The following SARDH variants were observed in gnomAD, a reference collection of about 807,000 sequenced individuals.
SARDH encodes the protein sarcosine dehydrogenase, mitochondrial.
Under a neutral mutation model 109.1 loss-of-function variants are expected in SARDH, and 95 were observed. The ratio of observed to expected loss-of-function variants is 0.87; its 90% CI spans 0.74 to 1.03. SARDH has a LOEUF of 1.03. SARDH is among the 50% of genes least tolerant of loss of function. The probability of loss-of-function intolerance (pLI) is 0.00; values close to 1 mark genes in which losing one functional copy is unlikely to be tolerated. For synonymous variants in SARDH, 572 were observed against 534.8 expected, an observed-to-expected ratio of 1.07 and a Z score of -0.96; for missense variants, 1,267 against 1,287.8, an observed-to-expected ratio of 0.98 and a Z score of 0.25.
chr9:133,716,155 G>A (rs902475144), intron 8 of SARDH, among the ~76,000 whole-genome samples: 2 of 152,200 alleles, frequency 1.3e-5, no homozygotes, highest in Admixed American at 6.5e-5. Flanking sequence ...CTGGCCGCCC[G>A]TCTGTGTCCT....
In SARDH at chr9:133,709,196, C is replaced by T. The variant is rs1014083349; in HGVS notation, c.1329-768G>A. On this transcript the variant is annotated intron_variant, in intron 10 of 20. Coordinates refer to ENST00000439388, the MANE Select transcript of SARDH (RefSeq NM_001134707.2). The surrounding 1 kb of genome is among the most constrained non-coding windows in gnomAD (Gnocchi z 4.2). ...CGGCAGCCCCCGGTGGTGTCCAGCA[C>T]GAACCCGGCGGGCCCCATGCTATTT... is the stretch of plus-strand genomic sequence containing the variant. Among the ~76,000 whole-genome samples, 11 of 152,298 alleles carry T rather than the reference C, an allele frequency of 7.2e-5. No individual in the cohort carries two copies. Among genetic ancestry groups the T allele is most frequent in the Middle Eastern group, 3.4e-3 (1 of 294 alleles).
In SARDH at chr9:133,688,167, G is replaced by A. The variant is rs147725972; in HGVS notation, c.2069+2213C>T. Among the ~76,000 whole-genome samples, 4 of 152,038 alleles carry A rather than the reference G, an allele frequency of 2.6e-5. No homozygotes were observed. The South Asian group carries it at 6.3e-4, about 24-fold the overall frequency. On this transcript the variant is annotated intron_variant, in intron 16 of 20. Transcript: ENST00000439388. ...ACCCCTCCCTCTACCCCAGAGATGC[G>A]GAGGTTGGGGTCACCCAGGTGAGAA... is the stretch of plus-strand genomic sequence containing the variant.
In SARDH at chr9:133,702,980, T is replaced by C; in HGVS notation, c.1604A>G (p.Asp535Gly). 3 of 1,613,454 alleles carry C rather than the reference T, an allele frequency of 1.9e-6. No homozygotes were observed. Among genetic ancestry groups the C allele is most frequent in the Non-Finnish European group, 2.5e-6 (3 of 1,179,978 alleles). The change falls in exon 13 of 21, where the codon GAC becomes GGC. Residue 535 changes from aspartate to glycine, a missense_variant. Physicochemically the swap from Asp to Gly is moderately conservative, Grantham distance 94. Transcript: ENST00000439388. ...TGCCAGCAGCCTGCGGTAGGCGTAGTCCTCGTGCGCGCGGCTCCCGTAAGC... is the reference window on the plus strand; with the variant it reads ...TGCCAGCAGCCTGCGGTAGGCGTAGCCCTCGTGCGCGCGGCTCCCGTAAGC... Reference protein sequence around the residue: ...YGAYGSRAHEDYAYRRLLADE... With the variant: ...YGAYGSRAHEGYAYRRLLADE...
downstream of SARDH, among the ~76,000 whole-genome samples, chr9:133,663,114 G>A (rs970568240): frequency 2.0e-5 from 3 of 152,206 alleles, no homozygotes; most frequent in Non-Finnish European, 4.4e-5. Flanking sequence ...CTAGAAAGGG[G>A]GACTCCACCA....
intron 20 of SARDH, among the ~76,000 whole-genome samples, chr9:133,665,346 C>T (rs1830026012): frequency 6.6e-6 from 1 of 152,224 alleles, no homozygotes; most frequent in Admixed American, 6.5e-5. Context: ...AGCCCATAAA[C>T]TCCGGTTTGG....
At chr9:133,667,901 C>CA (rs1202659615) in intron 19 of SARDH, among the ~76,000 whole-genome samples, 4 of 152,130 alleles carry the variant, frequency 2.6e-5, no homozygotes, top group South Asian at 4.1e-4. Flanking sequence ...AGCAGTGTGG[C>CA]AGGGCTGTTC....
chr9:133,672,812 C>A (rs148727685), intron 17 of SARDH, among the ~76,000 whole-genome samples: 116 of 152,344 alleles, frequency 7.6e-4, no homozygotes, highest in Non-Finnish European at 3.8e-4. Context: ...AGATTGCCGT[C>A]GCAGACGGGC....
chr9:133,667,820 C>T (rs1588369109), intron 19 of SARDH, among the ~76,000 whole-genome samples: 2 of 152,128 alleles, frequency 1.3e-5, no homozygotes, highest in South Asian at 4.1e-4. Flanking sequence ...GTTTCGTAAA[C>T]ATCTTTGGTG....
Position 133,731,292 on chromosome 9 carries a change from C to A in SARDH, c.690+13G>T, listed in dbSNP as rs199704886. 2.5e-6 allele frequency: 4 copies of A among 1,612,940 alleles called. No individual in the cohort carries two copies. Among genetic ancestry groups the A allele is most frequent in the Non-Finnish European group, 1.7e-6 (2 of 1,179,440 alleles). ...TGGGAACAGGGGACCCAGAGCCAGG[C>A]GGCCATCAGTACCTGTGCTCCTCGG... is the stretch of plus-strand genomic sequence containing the variant. On this transcript the variant is annotated intron_variant, in intron 4 of 20. Transcript: ENST00000439388.
intron 18 of SARDH, 127 bp downstream of exon 18, chr9:133,671,408 G>A (rs2131333911): frequency 1.2e-5 from 15 of 1,235,852 alleles, no homozygotes; most frequent in Middle Eastern, 2.9e-4. Context: ...AAATCATGGT[G>A]TGGAAAGAAG....
chr9:133,667,950 C>T (rs2131317743), intron 19 of SARDH, among the ~76,000 whole-genome samples: 1 of 152,244 alleles, frequency 6.6e-6, no homozygotes, highest in African/African-American at 2.4e-5. Flanking sequence ...TGCGCCTGTC[C>T]TGGAACTGCA....
In SARDH at chr9:133,718,966, T is replaced by C. The variant is rs961697353; in HGVS notation, c.992A>G (p.Tyr331Cys). 14 of 1,613,942 alleles carry C rather than the reference T, an allele frequency of 8.7e-6. No individual in the cohort carries two copies. The highest frequency in any genetic ancestry group is 1.2e-5 in the Non-Finnish European group (14 of 1,179,976). ...LQGDALSVGGYEANPIFWEEV... is the reference protein window; with the variant it reads ...LQGDALSVGGCEANPIFWEEV... The stretch of plus-strand genomic sequence containing the variant: ...CTCCCAAAAGATGGGGTTGGCCTCA[T>C]AGCCACCCACAGACAAGGCATCCCC... Residue 331 changes from tyrosine (Y) to cysteine (C), a missense_variant, in exon 7 of 21, where the codon TAT becomes TGT. Tyr to Cys is a radical substitution (Grantham distance 194). Transcript: ENST00000439388. The surrounding 1 kb of genome is among the most constrained non-coding windows in gnomAD (Gnocchi z 4.2).
In SARDH at chr9:133,669,833, G is replaced by A. The variant is rs566854812; in HGVS notation, c.2495+751C>T. 9.2e-5 allele frequency among the ~76,000 whole-genome samples: 14 copies of A among 152,350 alleles called. No individual in the cohort carries two copies. The East Asian group carries it at 1.2e-3, about 13-fold the overall frequency. On this transcript the variant is annotated intron_variant, in intron 19 of 20. Transcript: ENST00000439388. Reference sequence around the variant, plus strand: ...CTGAACCAGAACGGGATGGGAGGTCGTGTTGCAGTGACTGGGAGGTCAGGC... The same window carrying A: ...CTGAACCAGAACGGGATGGGAGGTCATGTTGCAGTGACTGGGAGGTCAGGC...
intron 1 of SARDH, among the ~76,000 whole-genome samples, chr9:133,736,897 G>T (rs1057362756): frequency 6.6e-6 from 1 of 152,344 alleles, no homozygotes; most frequent in East Asian, 1.9e-4. Context: ...AATTATCTAA[G>T]AAAGTCAGCA....
At chr9:133,729,485 G>A (rs1336284288) in intron 6 of SARDH, among the ~76,000 whole-genome samples, 7 of 152,308 alleles carry the variant, frequency 4.6e-5, no homozygotes, top group East Asian at 1.9e-4. Flanking sequence ...CCTGCACCAC[G>A]CAGGACAGGC....
intron 6 of SARDH, among the ~76,000 whole-genome samples, chr9:133,726,892 T>A (rs2251217): frequency 1.3e-5 from 2 of 152,102 alleles, no homozygotes; most frequent in African/African-American, 2.4e-5. Flanking sequence ...CGGGCACCAC[T>A]CCCAGCTGCA....
chr9:133,661,844 G>A (rs991241025), downstream of SARDH, among the ~76,000 whole-genome samples: 1 of 152,170 alleles, frequency 6.6e-6, no homozygotes, highest in Non-Finnish European at 1.5e-5. Context: ...GCCACAGTGA[G>A]CGTCATGGTA....
In SARDH at chr9:133,734,364, CTCAT is replaced by C. The variant is rs199864550; in HGVS notation, c.-30-165_-30-162del. ...ATTCACTCATTCATTCATTCATTCA[CTCAT>C]TCATTCATTCACTCATTCATTCATT... On this transcript the variant is annotated intron_variant, in intron 1 of 20. Coordinates refer to ENST00000439388, the MANE Select transcript of SARDH (RefSeq NM_001134707.2). Among the ~76,000 whole-genome samples the C allele has an allele frequency of 9.0e-4, 133 of 147,462 alleles. No individual in the cohort carries two copies. The East Asian group carries it at 0.012, about 14-fold the overall frequency.
chr9:133,739,462 C>G (rs555908948), upstream of SARDH, among the ~76,000 whole-genome samples: 9 of 152,188 alleles, frequency 5.9e-5, no homozygotes, highest in African/African-American at 2.2e-4. Context: ...CCCCTGCCCT[C>G]GAGGGGCTCA....
Sources: allele counts gnomAD v4.1 joint callset (sites outside exome capture counted in the v4.1 genomes callset), GRCh38; gene constraint gnomAD v4.1.1; non-coding constraint Gnocchi (gnomAD v3.1); transcripts MANE v1.5; gene names NCBI Gene and HGNC (gene_info 2026-07-23, HGNC 2026-07-21).